Variants in PTPRD observed in about 807,000 individuals in gnomAD.
PTPRD encodes the protein protein tyrosine phosphatase receptor type D.
In PTPRD, 34 loss-of-function variants were observed where a neutral mutation model predicts 214.5. That is an observed-to-expected ratio of 0.16 (90% CI 0.12 to 0.21). PTPRD has a LOEUF of 0.21. Ranked by LOEUF, PTPRD falls within the 10% of genes least tolerant of loss-of-function variation. PTPRD has a pLI of 1.00. For synonymous variants in PTPRD, 1,128 were observed against 845.7 expected, an observed-to-expected ratio of 1.33 and a Z score of -5.79; for missense variants, 2,545 against 2,398.7, an observed-to-expected ratio of 1.06 and a Z score of -1.27.
intron 2 of PTPRD, among the ~76,000 whole-genome samples, chr9:10,552,157 C>A (rs138167655): frequency 6.6e-6 from 1 of 152,168 alleles, no homozygotes; most frequent in Non-Finnish European, 1.5e-5. Flanking sequence ...CCTATTCACA[C>A]TGTTAATGGA....
intron 6 of PTPRD, among the ~76,000 whole-genome samples, chr9:9,736,560 TTAAA>T (rs2098298852): frequency 1.3e-5 from 2 of 152,066 alleles, no homozygotes; most frequent in Admixed American, 1.3e-4. Flanking sequence ...AGCAAATAAT[TTAAA>T]TAGTGTTACG....
chr9:9,882,310 G>A (rs1389085203), intron 5 of PTPRD, among the ~76,000 whole-genome samples: 2 of 151,970 alleles, frequency 1.3e-5, no homozygotes, highest in Non-Finnish European at 2.9e-5. Context: ...AGTTGAAACT[G>A]AGCAAAATCT....
intron 39 of PTPRD, among the ~76,000 whole-genome samples, chr9:8,342,737 T>C (rs1853678337): frequency 6.6e-6 from 1 of 152,100 alleles, no homozygotes; most frequent in Non-Finnish European, 1.5e-5. Flanking sequence ...AACAATGAAG[T>C]ACTCTGCTAA....
intron 2 of PTPRD, among the ~76,000 whole-genome samples, chr9:10,455,409 C>T (rs2098903669): frequency 6.6e-6 from 1 of 151,690 alleles, no homozygotes; most frequent in African/African-American, 2.4e-5. Context: ...TCACCTTATG[C>T]AAAAACGTCT....
At chr9:8,359,887 G>A (rs1190171138) in intron 39 of PTPRD, among the ~76,000 whole-genome samples, 2 of 152,028 alleles carry the variant, frequency 1.3e-5, no homozygotes, top group African/African-American at 4.8e-5. Context: ...CAATATGCAT[G>A]GTCTTATCTG....
chr9:9,070,754 T>C (rs2099742514), intron 10 of PTPRD, among the ~76,000 whole-genome samples: 1 of 152,210 alleles, frequency 6.6e-6, no homozygotes, highest in Non-Finnish European at 1.5e-5. Context: ...TAATAATTTT[T>C]TAGTTCAGGA....
At chr9:8,793,079 A>G (rs562492914) in intron 11 of PTPRD, among the ~76,000 whole-genome samples, 1 of 152,304 alleles carries the variant, frequency 6.6e-6, no homozygotes, top group African/African-American at 2.4e-5. Flanking sequence ...GATGACTCGT[A>G]CCTGGGTAGC....
intron 21 of PTPRD, 74 bp from the exon 22 acceptor site, chr9:8,507,508 C>T: frequency 6.4e-7 from 1 of 1,572,034 alleles, no homozygotes; most frequent in Non-Finnish European, 8.7e-7. Flanking sequence ...TTAGCGTAAC[C>T]TGCTTAAACC....
In PTPRD at chr9:9,726,231, C is replaced by T. The variant is rs149993848; in HGVS notation, c.-287+8302G>A. Among the ~76,000 whole-genome samples the T allele has an allele frequency of 1.3e-3, 199 of 152,288 alleles. 1 individual carries two copies. Among genetic ancestry groups the T allele is most frequent in the African/African-American group, 4.5e-3 (186 of 41,562 alleles). Reference sequence around the variant, plus strand: ...ATTCCATCCTACACCAAAAAAACTTCACTATCGGATATCCGCATAACACTG... The same window carrying T: ...ATTCCATCCTACACCAAAAAAACTTTACTATCGGATATCCGCATAACACTG... On this transcript the variant is annotated intron_variant, in intron 7 of 45. Coordinates refer to ENST00000381196, the MANE Select transcript of PTPRD (RefSeq NM_002839.4).
chr9:10,488,614 A>T (rs1447419545), intron 2 of PTPRD, among the ~76,000 whole-genome samples: 2 of 152,090 alleles, frequency 1.3e-5, no homozygotes, highest in Non-Finnish European at 2.9e-5. Context: ...GATAAAATAC[A>T]TTAGAAGTCT....
chr9:9,342,559 G>C (rs892067321), intron 9 of PTPRD, among the ~76,000 whole-genome samples: 5 of 152,138 alleles, frequency 3.3e-5, no homozygotes, highest in African/African-American at 1.2e-4. Context: ...GAAAAGTAGA[G>C]CTGTTGCTTA....
At position 9,729,064 on chromosome 9, in the gene PTPRD, G is replaced by A. The variant is rs369733684; in HGVS notation, c.-287+5469C>T. ...ATTGTCAAAATATGTCTTTGGAAACGTGGCTCTAGATTTCAGAAATACCCA... is the reference window on the plus strand; with the variant it reads ...ATTGTCAAAATATGTCTTTGGAAACATGGCTCTAGATTTCAGAAATACCCA... On this transcript the variant is annotated intron_variant, in intron 7 of 45. Coordinates refer to ENST00000381196, the MANE Select transcript of PTPRD (RefSeq NM_002839.4). Among the ~76,000 whole-genome samples the A allele has an allele frequency of 1.3e-3, 204 of 152,212 alleles. 1 individual carries two copies. Among genetic ancestry groups the A allele is most frequent in the African/African-American group, 4.5e-3 (189 of 41,544 alleles).
At chr9:8,622,141 A>T (rs2095845009) in intron 14 of PTPRD, among the ~76,000 whole-genome samples, 1 of 151,378 alleles carries the variant, frequency 6.6e-6, no homozygotes. Context: ...GCAATAAAAA[A>T]CTCCTCTTAC....
intron 2 of PTPRD, among the ~76,000 whole-genome samples, chr9:10,483,068 G>A (rs13302544): frequency 0.12 from 17,651 of 152,072 alleles, 1,361 homozygotes; most frequent in Non-Finnish European, 0.17. Flanking sequence ...AAACAGCATG[G>A]CACTAGTGAA....
intron 12 of PTPRD, among the ~76,000 whole-genome samples, chr9:8,701,140 G>T (rs761414428): frequency 6.6e-6 from 1 of 151,460 alleles, no homozygotes; most frequent in Non-Finnish European, 1.5e-5. Context: ...CAGCCTGGAC[G>T]ACAAAGCAAG....
At chr9:10,436,279 T>A (rs1224384013) in intron 2 of PTPRD, among the ~76,000 whole-genome samples, 1 of 151,814 alleles carries the variant, frequency 6.6e-6, no homozygotes, top group Admixed American at 6.6e-5. Context: ...TATACACACA[T>A]ATATAAATCA....
chr9:10,182,814 T>G (rs2154309158), intron 3 of PTPRD, among the ~76,000 whole-genome samples: 1 of 152,260 alleles, frequency 6.6e-6, no homozygotes, highest in East Asian at 1.9e-4. Context: ...TGGCAATACT[T>G]TATGACAGTA....
At chr9:10,179,581 T>C (rs533818268) in intron 3 of PTPRD, among the ~76,000 whole-genome samples, 3 of 152,162 alleles carry the variant, frequency 2.0e-5, no homozygotes, top group African/African-American at 7.2e-5. Context: ...TAAGTGCATA[T>C]TAAAATTGTT....
At chr9:9,982,369 G>A (rs913692470) in intron 4 of PTPRD, among the ~76,000 whole-genome samples, 3 of 152,050 alleles carry the variant, frequency 2.0e-5, no homozygotes, top group African/African-American at 7.3e-5. Context: ...TTATTTATGT[G>A]CTAGTTATGG....
Sources: allele counts gnomAD v4.1 joint callset (sites outside exome capture counted in the v4.1 genomes callset), GRCh38; gene constraint gnomAD v4.1.1; transcripts MANE v1.5; gene names NCBI Gene and HGNC (gene_info 2026-07-23, HGNC 2026-07-21).